Variants in TESK2 observed in about 807,000 individuals in gnomAD.
TESK2 encodes testis associated actin remodelling kinase 2.
Under a neutral mutation model 57.1 loss-of-function variants are expected in TESK2, and 39 were observed. The ratio of observed to expected loss-of-function variants is 0.68; its 90% CI spans 0.53 to 0.89. The LOEUF is 0.89. Among genes scored for constraint, TESK2 ranks in the 40% least tolerant of loss-of-function variants. The pLI is 0.00. For missense variants in TESK2, 646 were observed against 732.1 expected (o/e 0.88, Z 1.36); for synonymous variants, 249 against 267.9 (o/e 0.93, Z 0.69).
intron 2 of TESK2, among the ~76,000 whole-genome samples, chr1:45,457,081 G>A (rs1230740403): frequency 1.3e-5 from 2 of 152,116 alleles, no homozygotes; most frequent in African/African-American, 4.8e-5. Flanking sequence ...CGAGCCTCCT[G>A]AGTAGCTCGG....
intron 4 of TESK2, among the ~76,000 whole-genome samples, chr1:45,359,636 G>A (rs1022079360): frequency 4.0e-4 from 61 of 152,056 alleles, no homozygotes; most frequent in African/African-American, 1.2e-3. Flanking sequence ...GGCCAAGGCA[G>A]GTGGATCCCC....
intron 4 of TESK2, among the ~76,000 whole-genome samples, chr1:45,370,603 C>A (rs897986791): frequency 2.0e-5 from 3 of 152,094 alleles, no homozygotes; most frequent in African/African-American, 7.2e-5. Context: ...AAAGGCTTCC[C>A]AGAGAAAATG....
At chr1:45,422,600 C>T (rs1448568374) in intron 2 of TESK2, among the ~76,000 whole-genome samples, 2 of 151,956 alleles carry the variant, frequency 1.3e-5, no homozygotes, top group East Asian at 1.9e-4. Flanking sequence ...TGTGCCAACA[C>T]ACCCGGCTAA....
intron 4 of TESK2, among the ~76,000 whole-genome samples, chr1:45,385,710 G>GTATGTATA (rs1553147676): frequency 7.4e-6 from 1 of 135,284 alleles, no homozygotes; most frequent in Non-Finnish European, 1.5e-5. Flanking sequence ...GTGTGTGTGT[G>GTATGTATA]TATATATATA....
intron 4 of TESK2, among the ~76,000 whole-genome samples, chr1:45,377,196 G>C (rs1328404559): frequency 6.6e-6 from 1 of 151,792 alleles, no homozygotes; most frequent in African/African-American, 2.4e-5. Flanking sequence ...TTCCATCTTA[G>C]GTGACAGAGC....
intron 4 of TESK2, among the ~76,000 whole-genome samples, chr1:45,370,380 T>A (rs1648124475): frequency 1.3e-5 from 2 of 152,246 alleles, no homozygotes; most frequent in African/African-American, 4.8e-5. Flanking sequence ...CATTGATTGT[T>A]AATTTATTTA....
rs527974891 is a variant in TESK2 at position 45,476,663 on chromosome 1, C to A, written c.-87+14189G>T. 2.0e-5 allele frequency among the ~76,000 whole-genome samples: 3 copies of A among 151,044 alleles called. No individual in the cohort carries two copies. The East Asian group carries it at 5.9e-4, about 30-fold the overall frequency. ...GAGATCAAGGCCATCCTGGCTAACA[C>A]GGTGAAACCCCATCTCTACTAAAAA... On this transcript the variant is annotated intron_variant, in intron 1 of 10. Transcript: ENST00000372086.
At chr1:45,486,970 G>A (rs1653508975) in intron 1 of TESK2, among the ~76,000 whole-genome samples, 2 of 151,030 alleles carry the variant, frequency 1.3e-5, no homozygotes, top group Non-Finnish European at 2.9e-5. Context: ...TTACATGCAT[G>A]CACCACCACG....
intron 4 of TESK2, among the ~76,000 whole-genome samples, chr1:45,358,488 G>T (rs1415828594): frequency 6.6e-6 from 1 of 152,108 alleles, no homozygotes; most frequent in East Asian, 1.9e-4. Flanking sequence ...AAAAAAAAGT[G>T]AGTAAGTATA....
chr1:45,365,216 C>T (rs1253502414), intron 4 of TESK2, among the ~76,000 whole-genome samples: 1 of 152,094 alleles, frequency 6.6e-6, no homozygotes, highest in African/African-American at 2.4e-5. Context: ...GTTCTCAGCT[C>T]GAGGATCCAC....
intron 2 of TESK2, among the ~76,000 whole-genome samples, chr1:45,432,409 T>C (rs554216055): frequency 9.2e-5 from 14 of 151,540 alleles, no homozygotes; most frequent in Non-Finnish European, 2.1e-4. Flanking sequence ...TACAATACAT[T>C]GTCCAGGCAC....
intron 1 of TESK2, among the ~76,000 whole-genome samples, chr1:45,478,532 G>A (rs370502648): frequency 1.3e-5 from 2 of 152,148 alleles, no homozygotes; most frequent in East Asian, 3.9e-4. Context: ...ATAGGACATC[G>A]AGATTCCACA....
intron 7 of TESK2, 99 bp from the exon 8 acceptor site, chr1:45,347,161 C>G: frequency 2.0e-6 from 2 of 1,012,172 alleles, no homozygotes; most frequent in Admixed American, 4.0e-5. Context: ...TCTAACAGCC[C>G]AGGCCTGGGC....
At chr1:45,376,219 T>A (rs1452180321) in intron 4 of TESK2, among the ~76,000 whole-genome samples, 7 of 138,824 alleles carry the variant, frequency 5.0e-5, no homozygotes, top group African/African-American at 1.9e-4. Flanking sequence ...CTCTCTTTTT[T>A]TTTTTTTTTT....
At chr1:45,446,883 T>C (rs1651669284) in intron 2 of TESK2, among the ~76,000 whole-genome samples, 1 of 152,180 alleles carries the variant, frequency 6.6e-6, no homozygotes, top group African/African-American at 2.4e-5. Flanking sequence ...AGGGGTATCC[T>C]TTGAAAGAAA....
chr1:45,445,310 T>C (rs1651603479), intron 2 of TESK2, among the ~76,000 whole-genome samples: 1 of 152,116 alleles, frequency 6.6e-6, no homozygotes. Context: ...ACTTGAGAAA[T>C]AGCTCTCATT....
rs1402900294 is a variant in TESK2 at position 45,485,223 on chromosome 1, C to T, written c.-87+5629G>A. Among the ~76,000 whole-genome samples, 3 of 148,874 alleles carry T rather than the reference C, an allele frequency of 2.0e-5. No homozygotes were observed. In the East Asian group the frequency reaches 5.9e-4, roughly 29 times the overall value. The stretch of plus-strand genomic sequence containing the variant: ...TTTTTTTTTGAGATGGAGTCTCGCT[C>T]TGTCGCCCACGCTGGAGTGCAGTGG... On this transcript the variant is annotated intron_variant, in intron 1 of 10. Coordinates refer to ENST00000372086, the MANE Select transcript of TESK2 (RefSeq NM_007170.3).
intron 4 of TESK2, among the ~76,000 whole-genome samples, chr1:45,376,390 T>A (rs1214782368): frequency 6.6e-6 from 1 of 151,454 alleles, no homozygotes; most frequent in Admixed American, 6.6e-5. Flanking sequence ...TAATTTTTTT[T>A]TTTTTTTTAG....
At chr1:45,384,357 A>AT (rs1200354679) in intron 4 of TESK2, among the ~76,000 whole-genome samples, 26 of 148,168 alleles carry the variant, frequency 1.8e-4, no homozygotes, top group Non-Finnish European at 3.0e-4. Context: ...GTATGTATGT[A>AT]CGTACGTATC....
Sources: allele counts gnomAD v4.1 joint callset (sites outside exome capture counted in the v4.1 genomes callset), GRCh38; gene constraint gnomAD v4.1.1; transcripts MANE v1.5; gene names NCBI Gene and HGNC (gene_info 2026-07-23, HGNC 2026-07-21).